The following DGKI variants were observed in gnomAD, a reference collection of about 807,000 sequenced individuals.
DGKI encodes diacylglycerol kinase iota.
DGKI carries 55 observed loss-of-function variants against 147.5 expected under a neutral mutation model. The ratio of observed to expected loss-of-function variants is 0.37; its 90% CI spans 0.30 to 0.47. The LOEUF (loss-of-function observed/expected upper bound fraction) is 0.47, where lower values mean the gene tolerates loss of function less well. DGKI is among the 20% of genes least tolerant of loss of function. The pLI is 1.00. For missense variants in DGKI, 1,007 were observed against 1,323.8 expected (o/e 0.76, Z 3.71); for synonymous variants, 469 against 477.1 (o/e 0.98, Z 0.22).
intron 8 of DGKI, among the ~76,000 whole-genome samples, chr7:137,617,532 C>T (rs532603962): frequency 6.6e-6 from 1 of 152,038 alleles, no homozygotes; most frequent in African/African-American, 2.4e-5. Context: ...GAAGTGTTTA[C>T]AGACTAAGTG....
chr7:137,754,522 A>G (rs1795620923), intron 1 of DGKI, among the ~76,000 whole-genome samples: 1 of 151,862 alleles, frequency 6.6e-6, no homozygotes, highest in South Asian at 2.1e-4. Flanking sequence ...CGTTTGTTTT[A>G]CCCTTTTCAT....
At chr7:137,675,153 G>T (rs188368370) in intron 3 of DGKI, among the ~76,000 whole-genome samples, 3 of 152,014 alleles carry the variant, frequency 2.0e-5, no homozygotes, top group Non-Finnish European at 4.4e-5. Flanking sequence ...CTAAAGACTC[G>T]CCTGGAGATC....
At chr7:137,444,949 G>A (rs1382056348) in intron 27 of DGKI, among the ~76,000 whole-genome samples, 3 of 152,110 alleles carry the variant, frequency 2.0e-5, no homozygotes, top group African/African-American at 4.8e-5. Flanking sequence ...TTGAAATTTC[G>A]AAGGGAAAGA....
At chr7:137,416,803 C>T (rs1167028147) in intron 28 of DGKI, among the ~76,000 whole-genome samples, 4 of 152,200 alleles carry the variant, frequency 2.6e-5, no homozygotes, top group South Asian at 2.1e-4. Flanking sequence ...CCAACAGCTT[C>T]CCAGTTTGAA....
chr7:137,526,722 C>G (rs1210131738), intron 20 of DGKI, among the ~76,000 whole-genome samples: 1 of 152,154 alleles, frequency 6.6e-6, no homozygotes, highest in Non-Finnish European at 1.5e-5. Context: ...ATTCTCTGCT[C>G]TCCTGTAGAT....
intron 23 of DGKI, among the ~76,000 whole-genome samples, chr7:137,474,391 C>T (rs185182432): frequency 1.3e-5 from 2 of 152,220 alleles, no homozygotes; most frequent in Non-Finnish European, 1.5e-5. Flanking sequence ...AATACACCCA[C>T]AAAATATGCC....
chr7:137,590,887 C>T (rs545195141), intron 12 of DGKI, among the ~76,000 whole-genome samples: 3 of 152,232 alleles, frequency 2.0e-5, no homozygotes, highest in South Asian at 2.1e-4. Context: ...GAGATGGGGG[C>T]GGCTTTTGCC....
At chr7:137,563,123 G>T (rs572191970) in intron 19 of DGKI, among the ~76,000 whole-genome samples, 62 of 152,008 alleles carry the variant, frequency 4.1e-4, no homozygotes, top group African/African-American at 1.4e-3. Context: ...AAAAATTAAT[G>T]AAATTAGTGA....
At chr7:137,817,119 C>T (rs1797761050) in intron 1 of DGKI, among the ~76,000 whole-genome samples, 1 of 152,162 alleles carries the variant, frequency 6.6e-6, no homozygotes, top group Non-Finnish European at 1.5e-5. Flanking sequence ...TTTTTATTTC[C>T]TAATCAGCCA....
rs751488657 is a variant in DGKI at position 137,645,541 on chromosome 7, T to C, written c.739-4A>G. The C allele has an allele frequency of 8.1e-5, 131 of 1,611,926 alleles. 1 individual carries two copies. In the South Asian group the frequency reaches 1.0e-3, roughly 12 times the overall value. On this transcript the variant is annotated splice_polypyrimidine_tract_variant and splice_region_variant and intron_variant, in intron 5 of 32. Transcript: ENST00000614521. ...CCCAGTGATGACGTACAAAATTCTG[T>C]GGGAAAACAAAATTAAATGAATATT...
chr7:137,733,048 G>A (rs1249223551), intron 1 of DGKI, among the ~76,000 whole-genome samples: 1 of 151,486 alleles, frequency 6.6e-6, no homozygotes, highest in East Asian at 1.9e-4. Flanking sequence ...TAATTACTAC[G>A]TCCACAACCT....
chr7:137,720,091 C>T (rs1268993811), intron 1 of DGKI, among the ~76,000 whole-genome samples: 1 of 152,110 alleles, frequency 6.6e-6, no homozygotes, highest in Non-Finnish European at 1.5e-5. Context: ...ACGATTCTCA[C>T]ATGCCCTGGT....
chr7:137,747,427 A>G (rs1305754860), intron 1 of DGKI, among the ~76,000 whole-genome samples: 3 of 152,198 alleles, frequency 2.0e-5, no homozygotes, highest in East Asian at 1.9e-4. Flanking sequence ...CACTTCAGCT[A>G]TAACAGAAAA....
intron 21 of DGKI, among the ~76,000 whole-genome samples, chr7:137,516,940 G>A (rs866540572): frequency 3.3e-5 from 5 of 152,042 alleles, no homozygotes; most frequent in Middle Eastern, 3.4e-3. Flanking sequence ...GGAAAAAATT[G>A]TAAGTCTATG....
At chr7:137,428,868 G>A (rs1457195026) in intron 28 of DGKI, among the ~76,000 whole-genome samples, 3 of 152,004 alleles carry the variant, frequency 2.0e-5, no homozygotes, top group African/African-American at 4.8e-5. Context: ...CCTCTTCAAG[G>A]AGAACTACAA....
intron 5 of DGKI, among the ~76,000 whole-genome samples, chr7:137,649,079 A>G (rs1463699835): frequency 6.6e-6 from 1 of 152,162 alleles, no homozygotes; most frequent in African/African-American, 2.4e-5. Context: ...CCCAATATAA[A>G]TTTATTCTAC....
chr7:137,724,550 C>T lies in DGKI; in HGVS notation c.402-34548G>A, dbSNP rs1430329590. Among the ~76,000 whole-genome samples the T allele has an allele frequency of 2.6e-5, 4 of 152,012 alleles. No homozygotes were observed. In the East Asian group the frequency reaches 5.8e-4, roughly 22 times the overall value. The stretch of plus-strand genomic sequence containing the variant: ...TATATCTTGAAAGCAGAGCCACTTG[C>T]TAATGGATTACTATTAATGAACTAA... On this transcript the variant is annotated intron_variant, in intron 1 of 32. Transcript: ENST00000614521.
intron 10 of DGKI, among the ~76,000 whole-genome samples, chr7:137,600,698 A>G (rs1408501278): frequency 6.6e-6 from 1 of 152,204 alleles, no homozygotes; most frequent in Non-Finnish European, 1.5e-5. Context: ...TTAGCTAAGT[A>G]TTAATATAAT....
At chr7:137,563,641 T>A (rs1238400024) in intron 19 of DGKI, among the ~76,000 whole-genome samples, 1 of 149,998 alleles carries the variant, frequency 6.7e-6, no homozygotes, top group African/African-American at 2.5e-5. Flanking sequence ...GACACACATA[T>A]AGTTATTTCT....
Sources: gnomAD v4.1 joint callset for allele counts (sites outside exome capture counted in the v4.1 genomes callset) on GRCh38, gnomAD v4.1.1 for gene constraint, MANE v1.5 for transcripts, NCBI Gene and HGNC (gene_info 2026-07-23, HGNC 2026-07-21) for gene names.